Variants in DNAJC18 observed in about 807,000 individuals in gnomAD.
DNAJC18 encodes the protein dnaJ homolog subfamily C member 18.
DNAJC18 carries 40 observed loss-of-function variants against 48.6 expected under a neutral mutation model. The ratio of observed to expected loss-of-function variants is 0.82; its 90% CI spans 0.64 to 1.07. The LOEUF (loss-of-function observed/expected upper bound fraction) is 1.07. Ranked by LOEUF, DNAJC18 falls within the 50% of genes least tolerant of loss-of-function variation. The pLI is 0.00. For missense variants in DNAJC18, 340 were observed against 427.7 expected (o/e 0.79, Z 1.81); for synonymous variants, 135 against 152.2 (o/e 0.89, Z 0.83).
rs771306238 is a variant in DNAJC18, at chr5:139,428,685, T to TA, written c.228-3dup. ...TAGTAATTTCTGCATTTCTTGATCC[T>TA]AAAAAAAATCACAAGCATGTATGTC... is the stretch of plus-strand genomic sequence containing the variant. On this transcript the variant is annotated splice_region_variant and splice_polypyrimidine_tract_variant and intron_variant, in intron 2 of 7. Transcript: ENST00000302060. The TA allele has an allele frequency of 7.6e-5, 122 of 1,606,698 alleles. 2 individuals carry two copies. In the Middle Eastern group the frequency reaches 8.4e-4, roughly 11 times the overall value.
At chr5:139,425,619 T>C (rs1297398436) in intron 4 of DNAJC18, among the ~76,000 whole-genome samples, 1 of 152,188 alleles carries the variant, frequency 6.6e-6, no homozygotes, top group African/African-American at 2.4e-5. Flanking sequence ...ATTTAAATAG[T>C]CCTTTGCAAC....
intron 7 of DNAJC18, among the ~76,000 whole-genome samples, chr5:139,417,144 T>C (rs923907286): frequency 4.7e-5 from 7 of 149,476 alleles, no homozygotes; most frequent in Non-Finnish European, 8.9e-5. Flanking sequence ...GCGCCGAGAT[T>C]GCATGACTGC....
In DNAJC18 at chr5:139,413,911, C is replaced by G. The variant is rs774814434; in HGVS notation, c.*237G>C. 5.9e-6 allele frequency: 3 copies of G among 506,984 alleles called. No homozygotes were observed. The highest frequency in any genetic ancestry group is 1.0e-5 in the Non-Finnish European group (3 of 294,120). 31.4% of individuals were successfully genotyped at this position (506,984 alleles called of 1,614,324 possible). A position where few individuals can be genotyped will look rare whatever the true frequency, so the allele number is the denominator to read the frequency against. Reference sequence around the variant, plus strand: ...GGAGCAGGGAGACGGAATCCAATGCCTTGCCATTAATTTAACTTAGATGAA... The same window carrying G: ...GGAGCAGGGAGACGGAATCCAATGCGTTGCCATTAATTTAACTTAGATGAA... On this transcript the variant is annotated 3_prime_UTR_variant, in exon 8 of 8. Coordinates refer to ENST00000302060, the MANE Select transcript of DNAJC18 (RefSeq NM_152686.4).
At chr5:139,417,214 C>A (rs1207954028) in intron 7 of DNAJC18, among the ~76,000 whole-genome samples, 9 of 151,548 alleles carry the variant, frequency 5.9e-5, no homozygotes, top group Non-Finnish European at 1.2e-4. Context: ...AAAATTTTCA[C>A]CCAGATTAAA....
chr5:139,436,711 C>T (rs2152085509), intron 2 of DNAJC18, among the ~76,000 whole-genome samples: 1 of 151,844 alleles, frequency 6.6e-6, no homozygotes, highest in East Asian at 1.9e-4. Context: ...GGGGGTTTCA[C>T]TGTATTGTCC....
intron 2 of DNAJC18, among the ~76,000 whole-genome samples, chr5:139,433,570 C>T (rs886586893): frequency 9.9e-5 from 15 of 152,038 alleles, no homozygotes; most frequent in Non-Finnish European, 2.1e-4. Context: ...TAAGCAGATA[C>T]TCCCAATACT....
In DNAJC18 at chr5:139,439,229, C is replaced by CG. The variant is rs1464965687; in HGVS notation, c.40+176dup. Among the ~76,000 whole-genome samples the CG allele has an allele frequency of 6.6e-6, 1 of 152,006 alleles. No individual in the cohort carries two copies. The highest frequency in any genetic ancestry group is 6.6e-5 in the Admixed American group (1 of 15,262). On this transcript the variant is annotated intron_variant, in intron 1 of 7. Transcript: ENST00000302060. The surrounding 1 kb of genome is among the most constrained non-coding windows in gnomAD (Gnocchi z 4.1). ...GTCGTCACCGGTGACTCTGGGCTCG[C>CG]GGTCGGTCCCCAGCTTCCCTACCCC...
At chr5:139,429,116 T>C (rs1759291465) in intron 2 of DNAJC18, among the ~76,000 whole-genome samples, 1 of 146,772 alleles carries the variant, frequency 6.8e-6, no homozygotes. Context: ...GTAGTCTTGC[T>C]CTTGTTGCCT....
At chr5:139,432,433 G>A (rs1759344268) in intron 2 of DNAJC18, among the ~76,000 whole-genome samples, 1 of 152,014 alleles carries the variant, frequency 6.6e-6, no homozygotes, top group Non-Finnish European at 1.5e-5. Flanking sequence ...AAAGTGCTGG[G>A]ATTACAGGCG....
chr5:139,420,241 A>G lies in DNAJC18; in HGVS notation c.780-16T>C. The G allele has an allele frequency of 6.3e-7, 1 of 1,598,096 alleles. No homozygotes were observed. Among genetic ancestry groups the G allele is most frequent in the African/African-American group, 1.4e-5 (1 of 73,808 alleles). On this transcript the variant is annotated splice_polypyrimidine_tract_variant and intron_variant, in intron 6 of 7. Transcript: ENST00000302060. ...GCCCAAGGTCCTGAAACAAGGAGAG[A>G]GAGGCTCATGTGAGCTCATAATATT... is the stretch of plus-strand genomic sequence containing the variant.
chr5:139,432,188 G>C (rs1759340129), intron 2 of DNAJC18, among the ~76,000 whole-genome samples: 2 of 149,696 alleles, frequency 1.3e-5, no homozygotes, highest in Non-Finnish European at 3.0e-5. Flanking sequence ...TTTTGAGATA[G>C]AGTTTCACTC....
rs1031450017 is a variant in DNAJC18, at chr5:139,439,156, C to A, written c.40+250G>T. Reference sequence around the variant, plus strand: ...TGGGCGGGGCCTGACAGCTGCGGGCCCTGGGCGGGGCACGGGCGGGGGCGG... The same window carrying A: ...TGGGCGGGGCCTGACAGCTGCGGGCACTGGGCGGGGCACGGGCGGGGGCGG... On this transcript the variant is annotated intron_variant, in intron 1 of 7. Transcript: ENST00000302060. This position sits in a 1 kb window ranked among gnomAD's most constrained non-coding sequence, Gnocchi z 4.1. Among the ~76,000 whole-genome samples, 14 of 152,016 alleles carry A rather than the reference C, an allele frequency of 9.2e-5. No individual in the cohort carries two copies. Among genetic ancestry groups the A allele is most frequent in the Non-Finnish European group, 2.1e-4 (14 of 67,974 alleles).
intron 5 of DNAJC18, among the ~76,000 whole-genome samples, chr5:139,423,627 A>C: frequency 6.6e-6 from 1 of 151,774 alleles, no homozygotes; most frequent in Non-Finnish European, 1.5e-5. Flanking sequence ...AGGCTCAAGC[A>C]ATTCTCCTGC....
rs879571258 is a variant in DNAJC18 at position 139,413,247 on chromosome 5, G to T, written c.*901C>A. 8 of 183,828 alleles carry T rather than the reference G, an allele frequency of 4.4e-5. No homozygotes were observed. Among genetic ancestry groups the T allele is most frequent in the Non-Finnish European group, 6.7e-5 (6 of 89,636 alleles). The allele number at this position is 183,828 out of a possible 1,614,324, so 11.4% of individuals were successfully genotyped here. ...CCCCATATCCAAGGAGAGAGGATCT[G>T]TCTCCTCTATCTCTAGGCTTGAGCA... On this transcript the variant is annotated 3_prime_UTR_variant, in exon 8 of 8. Coordinates refer to ENST00000302060, the MANE Select transcript of DNAJC18 (RefSeq NM_152686.4).
At chr5:139,415,802 T>C (rs1025580048) in intron 7 of DNAJC18, among the ~76,000 whole-genome samples, 1 of 152,208 alleles carries the variant, frequency 6.6e-6, no homozygotes, top group Non-Finnish European at 1.5e-5. Context: ...ACACCAGTAT[T>C]GAAACAGATT....
rs568006301 is a variant in DNAJC18 at position 139,430,339 on chromosome 5, A to G, written c.228-1656T>C. 1.6e-3 allele frequency among the ~76,000 whole-genome samples: 238 copies of G among 152,318 alleles called. 4 individuals carry two copies. The South Asian group carries it at 0.016, about 10-fold the overall frequency. ...TTAAACTTGCAGACCTATCCCCTAA[A>G]AGGGTCTTGGGGTTCCCCAACCACC... On this transcript the variant is annotated intron_variant, in intron 2 of 7. Coordinates refer to ENST00000302060, the MANE Select transcript of DNAJC18 (RefSeq NM_152686.4).
chr5:139,434,395 C>T (rs367772328), intron 2 of DNAJC18, among the ~76,000 whole-genome samples: 2 of 152,168 alleles, frequency 1.3e-5, no homozygotes, highest in Non-Finnish European at 2.9e-5. Flanking sequence ...GTGATCATAG[C>T]TCACCTCAGC....
intron 7 of DNAJC18, among the ~76,000 whole-genome samples, chr5:139,415,155 T>C (rs1759053578): frequency 6.6e-6 from 1 of 152,192 alleles, no homozygotes; most frequent in Non-Finnish European, 1.5e-5. Context: ...ACCAGACTTG[T>C]AAAAATGCTA....
rs537004668 is a variant in DNAJC18 at position 139,426,169 on chromosome 5, A to T, written c.559+3T>A. On this transcript the variant is annotated splice_donor_region_variant and intron_variant, in intron 4 of 7. Coordinates refer to ENST00000302060, the MANE Select transcript of DNAJC18 (RefSeq NM_152686.4). ...TTAAGAATGATAATTTGGGGAGACTAACCTGTAGGAAAATGTCCTCCAAAG... is the reference window on the plus strand; with the variant it reads ...TTAAGAATGATAATTTGGGGAGACTTACCTGTAGGAAAATGTCCTCCAAAG... The T allele has an allele frequency of 4.8e-5, 78 of 1,613,170 alleles. No homozygotes were observed. The Admixed American group carries it at 1.2e-3, about 26-fold the overall frequency.
Sources: gnomAD v4.1 joint callset for allele counts (sites outside exome capture counted in the v4.1 genomes callset) on GRCh38, gnomAD v4.1.1 for gene constraint, Gnocchi (gnomAD v3.1) non-coding constraint, MANE v1.5 for transcripts, NCBI Gene and HGNC (gene_info 2026-07-23, HGNC 2026-07-21) for gene names.